The following TANK variants were observed in gnomAD, a reference collection of about 807,000 sequenced individuals.
TANK encodes the protein TRAF family member-associated NF-kappa-B activator.
In TANK, 15 loss-of-function variants were observed where a neutral mutation model predicts 43.6. The observed-to-expected ratio is 0.34, with a 90% CI of 0.23 to 0.53. The LOEUF (loss-of-function observed/expected upper bound fraction) is 0.53, where lower values mean the gene tolerates loss of function less well. Ranked by LOEUF, TANK falls within the 20% of genes least tolerant of loss-of-function variation. The pLI, the probability that TANK is intolerant of heterozygous loss-of-function variation, is 0.94. For missense variants in TANK, 417 were observed against 498.6 expected (o/e 0.84, Z 1.56); for synonymous variants, 162 against 178.2 (o/e 0.91, Z 0.73).
chr2:161,200,413 GA>G (rs76156262), intron 2 of TANK: 344 of 904,670 alleles, frequency 3.8e-4, no homozygotes, highest in South Asian at 8.3e-4. Context: ...TTAATCAAAT[GA>G]AAAAAAAAAG....
rs1295537371 is a variant in TANK at position 161,179,350 on chromosome 2, G to A, written c.-49-264G>A. ...TTATATTTTCTCATTTTTAGGTTAA[G>A]TTTATAGATTAGTATTCTCAAAGTA... On this transcript the variant is annotated intron_variant, in intron 1 of 7. Transcript: ENST00000392749. 13 of 359,300 alleles carry A rather than the reference G, an allele frequency of 3.6e-5. No homozygotes were observed. The East Asian group carries it at 4.9e-4, about 14-fold the overall frequency. The allele number at this position is 359,300 out of a possible 1,614,324, so 22.3% of individuals were successfully genotyped here.
intron 7 of TANK, 104 bp from the exon 8 acceptor site, chr2:161,235,238 C>G: frequency 1.0e-6 from 1 of 959,590 alleles, no homozygotes; most frequent in Non-Finnish European, 1.5e-6. Context: ...TTAGGGAATT[C>G]AATATATATG....
chr2:161,168,893 A>G (rs925804256), intron 1 of TANK, among the ~76,000 whole-genome samples: 3 of 152,250 alleles, frequency 2.0e-5, no homozygotes, highest in African/African-American at 7.2e-5. Context: ...AGAAGATAGC[A>G]TAGCAAAGCT....
chr2:161,171,083 C>T (rs982807202), intron 1 of TANK, among the ~76,000 whole-genome samples: 1 of 152,166 alleles, frequency 6.6e-6, no homozygotes, highest in African/African-American at 2.4e-5. Flanking sequence ...TAGGGTGGCA[C>T]AGCAAGTGTT....
chr2:161,165,912 G>A (rs1403058363), intron 1 of TANK, among the ~76,000 whole-genome samples: 1 of 152,010 alleles, frequency 6.6e-6, no homozygotes, highest in African/African-American at 2.4e-5. Context: ...TTTCCCTTTT[G>A]GTGTTATACT....
intron 1 of TANK, among the ~76,000 whole-genome samples, chr2:161,177,858 G>A (rs1685237175): frequency 6.6e-6 from 1 of 152,088 alleles, no homozygotes; most frequent in Non-Finnish European, 1.5e-5. Flanking sequence ...TTTATTACAA[G>A]TGGACACAGG....
chr2:161,185,412 T>C (rs751847423), intron 2 of TANK, among the ~76,000 whole-genome samples: 3 of 151,836 alleles, frequency 2.0e-5, no homozygotes, highest in Non-Finnish European at 2.9e-5. Context: ...AAAGACAATA[T>C]AAACCACGTG....
intron 1 of TANK, chr2:161,137,966 C>CAA: frequency 2.1e-5 from 11 of 529,838 alleles, no homozygotes; most frequent in South Asian, 8.5e-5. Flanking sequence ...AACTCCGTCT[C>CAA]AAAAAAAAAA....
At position 161,154,746 on chromosome 2, in the gene TANK, A is replaced by G. The variant is rs1463313186; in HGVS notation, c.-50+17683A>G. ...CTATTAACATAAAAATTAAGCATACACTTTTTTTTTTTTTTTGAGACAGAG... is the reference window on the plus strand; with the variant it reads ...CTATTAACATAAAAATTAAGCATACGCTTTTTTTTTTTTTTTGAGACAGAG... On this transcript the variant is annotated intron_variant, in intron 1 of 7. Coordinates refer to the TANK transcript ENST00000259075. Among the ~76,000 whole-genome samples the G allele has an allele frequency of 2.0e-5, 3 of 148,352 alleles. No individual in the cohort carries two copies. In the East Asian group the frequency reaches 5.8e-4, roughly 29 times the overall value.
intron 1 of TANK, among the ~76,000 whole-genome samples, chr2:161,146,995 A>C (rs1683928966): frequency 6.6e-6 from 1 of 152,126 alleles, no homozygotes; most frequent in South Asian, 2.1e-4. Flanking sequence ...CAGGGGGATC[A>C]GAGTTCTGTC....
At chr2:161,192,590 A>G (rs1420763084) in intron 2 of TANK, among the ~76,000 whole-genome samples, 3 of 152,182 alleles carry the variant, frequency 2.0e-5, no homozygotes, top group Non-Finnish European at 2.9e-5. Context: ...ATCCTCTGGT[A>G]CAGCCCTCAT....
At chr2:161,201,090 A>G (rs1437186580) in intron 2 of TANK, 1 of 984,978 alleles carries the variant, frequency 1.0e-6, no homozygotes, top group East Asian at 1.1e-4. Context: ...AAGTATGTGA[A>G]AAGTGTAGGA....
At chr2:161,168,759 G>A (rs1045511521) in intron 1 of TANK, among the ~76,000 whole-genome samples, 13 of 152,160 alleles carry the variant, frequency 8.5e-5, no homozygotes, top group South Asian at 2.1e-4. Flanking sequence ...CTTGAATCCC[G>A]GAGGTGGAGG....
At chr2:161,160,837 C>T (rs1684392624) in intron 1 of TANK, 2 of 527,104 alleles carry the variant, frequency 3.8e-6, no homozygotes, top group South Asian at 3.1e-5. Context: ...GCAGTGGACC[C>T]TCCAGGAACA....
chr2:161,138,320 G>T (rs1370791755), intron 1 of TANK, among the ~76,000 whole-genome samples: 3 of 152,128 alleles, frequency 2.0e-5, no homozygotes, highest in African/African-American at 7.2e-5. Context: ...CTTGTAAGTG[G>T]CAGAACCAGG....
intron 4 of TANK, among the ~76,000 whole-genome samples, chr2:161,222,447 A>G (rs1470370218): frequency 6.6e-6 from 1 of 152,064 alleles, no homozygotes; most frequent in Non-Finnish European, 1.5e-5. Flanking sequence ...GTTGATATAG[A>G]CTTAATAATA....
intron 7 of TANK, among the ~76,000 whole-genome samples, chr2:161,231,845 G>T (rs1005030759): frequency 6.6e-6 from 1 of 152,140 alleles, no homozygotes; most frequent in Non-Finnish European, 1.5e-5. Flanking sequence ...TTCAAAGCTT[G>T]TTTACTCAGG....
intron 4 of TANK, among the ~76,000 whole-genome samples, chr2:161,206,008 A>G (rs1686636795): frequency 6.6e-6 from 1 of 152,192 alleles, no homozygotes; most frequent in Non-Finnish European, 1.5e-5. Flanking sequence ...ATGTAATAAA[A>G]GTATAAAAAC....
chr2:161,218,369 C>T (rs370023410), intron 4 of TANK, among the ~76,000 whole-genome samples: 2 of 152,124 alleles, frequency 1.3e-5, no homozygotes, highest in South Asian at 2.1e-4. Context: ...GATAACTGTA[C>T]CACTTAGCTT....
Sources: allele counts gnomAD v4.1 joint callset (sites outside exome capture counted in the v4.1 genomes callset), GRCh38; gene constraint gnomAD v4.1.1; transcripts MANE v1.5; gene names NCBI Gene and HGNC (gene_info 2026-07-23, HGNC 2026-07-21).